Variants in ZNF831 observed in about 807,000 individuals in gnomAD.
The protein encoded by ZNF831 is chromosome 20 open reading frame 174.
A neutral mutation model predicts 95.8 loss-of-function variants in ZNF831; 59 were observed. That is an observed-to-expected ratio of 0.62 (90% CI 0.50 to 0.77). The LOEUF (loss-of-function observed/expected upper bound fraction) is 0.77. Among genes scored for constraint, ZNF831 ranks in the 30% least tolerant of loss-of-function variants. The probability of loss-of-function intolerance (pLI) is 0.00; values close to 1 mark genes in which losing one functional copy is unlikely to be tolerated. For synonymous variants in ZNF831, 961 were observed against 925.5 expected, an observed-to-expected ratio of 1.04 and a Z score of -0.70; for missense variants, 2,205 against 2,164.0, an observed-to-expected ratio of 1.02 and a Z score of -0.38.
chr20:59,226,213 G>A (rs1442156655), intron 4 of ZNF831, among the ~76,000 whole-genome samples: 1 of 152,100 alleles, frequency 6.6e-6, no homozygotes, highest in African/African-American at 2.4e-5. Flanking sequence ...ACTGAGGTGG[G>A]GCATGGCTGC....
At chr20:59,247,361 C>A (rs1174812919) in intron 4 of ZNF831, among the ~76,000 whole-genome samples, 1 of 152,164 alleles carries the variant, frequency 6.6e-6, no homozygotes, top group African/African-American at 2.4e-5. Context: ...CTGAATTTCT[C>A]CCCCGTTGAA....
At position 59,254,922 on chromosome 20, in the gene ZNF831, G is replaced by T; in HGVS notation, c.*179G>T. On this transcript the variant is annotated 3_prime_UTR_variant, in exon 6 of 6. Transcript: ENST00000371030. The surrounding 1 kb of genome is among the most constrained non-coding windows in gnomAD (Gnocchi z 4.5). ...TTCTGACCCCCAACTCAGCCGCAGC[G>T]TTCCCCAGCTCCCCTTGGGAGTGCT... The T allele has an allele frequency of 1.3e-6, 1 of 773,696 alleles. No individual in the cohort carries two copies. The highest frequency in any genetic ancestry group is 2.0e-6 in the Non-Finnish European group (1 of 497,526). The allele number at this position is 773,696 out of a possible 1,614,324, so 47.9% of individuals were successfully genotyped here.
chr20:59,203,545 G>A (rs1386340779), intron 3 of ZNF831, among the ~76,000 whole-genome samples: 1 of 152,296 alleles, frequency 6.6e-6, no homozygotes, highest in East Asian at 1.9e-4. Flanking sequence ...GGCACAGATT[G>A]TCTGTGGCAT....
In ZNF831 at chr20:59,191,643, C is replaced by A. The variant is rs1431716391; in HGVS notation, c.624C>A (p.Gly208=). 6.4e-7 allele frequency: 1 copy of A among 1,565,376 alleles called. No individual in the cohort carries two copies. Among genetic ancestry groups the A allele is most frequent in the Admixed American group, 1.8e-5 (1 of 55,220 alleles). ...NNSRLSSESE[G]AGGGLLEEGD... is the part of the protein sequence containing the mutation. ...CCCGGCTGTCCTCAGAGTCCGAGGG[C>A]GCCGGGGGCGGCCTCCTGGAGGAAG... Residue 208 remains glycine (G), a synonymous_variant, in exon 2 of 6, where the codon GGC becomes GGA. Transcript: ENST00000371030.
At chr20:59,242,861 G>A (rs1272701049) in intron 4 of ZNF831, among the ~76,000 whole-genome samples, 4 of 152,158 alleles carry the variant, frequency 2.6e-5, no homozygotes, top group African/African-American at 9.7e-5. Flanking sequence ...GCATTTTAGC[G>A]ATTCCTCAGG....
chr20:59,127,412 C>T (rs995753982), intron 1 of ZNF831, among the ~76,000 whole-genome samples: 1 of 152,160 alleles, frequency 6.6e-6, no homozygotes, highest in African/African-American at 2.4e-5. Context: ...TTCCTATGGC[C>T]TCCCTCTCAC....
At chr20:59,163,010 C>T (rs1347359882), upstream of ZNF831, among the ~76,000 whole-genome samples, 1 of 135,702 alleles carries the variant, frequency 7.4e-6, no homozygotes, top group Non-Finnish European at 1.6e-5. Flanking sequence ...TAGATGTATT[C>T]CTAGGTGTGT....
intron 2 of ZNF831, among the ~76,000 whole-genome samples, chr20:59,154,849 T>C (rs943326094): frequency 1.4e-4 from 22 of 152,366 alleles, no homozygotes; most frequent in Middle Eastern, 6.8e-3. Flanking sequence ...TCTGTCTTCA[T>C]AGACGGCCTC....
intron 1 of ZNF831, among the ~76,000 whole-genome samples, chr20:59,126,219 C>T (rs1402578441): frequency 6.6e-6 from 1 of 152,104 alleles, no homozygotes; most frequent in African/African-American, 2.4e-5. Flanking sequence ...TTGAACAGCC[C>T]CCTCTCTCTC....
At chr20:59,212,181 G>A (rs1274290491) in intron 4 of ZNF831, among the ~76,000 whole-genome samples, 1 of 152,104 alleles carries the variant, frequency 6.6e-6, no homozygotes, top group Non-Finnish European at 1.5e-5. Context: ...ATGATGGAGA[G>A]AGAGTTTTTT....
chr20:59,168,250 T>C (rs1388137940), intron 1 of ZNF831, among the ~76,000 whole-genome samples: 1 of 152,236 alleles, frequency 6.6e-6, no homozygotes, highest in African/African-American at 2.4e-5. Flanking sequence ...TTATTTAGAC[T>C]TTATTTGAGT....
At chr20:59,161,966 G>A (rs1980898165), upstream of ZNF831, among the ~76,000 whole-genome samples, 1 of 152,144 alleles carries the variant, frequency 6.6e-6, no homozygotes, top group Non-Finnish European at 1.5e-5. Context: ...TCTGACTGCT[G>A]TGAGATGGTA....
intron 4 of ZNF831, among the ~76,000 whole-genome samples, chr20:59,251,144 A>G (rs1987867988): frequency 6.6e-6 from 1 of 152,236 alleles, no homozygotes; most frequent in Non-Finnish European, 1.5e-5. Context: ...GTATATTTCA[A>G]AACAATGCAT....
intron 1 of ZNF831, among the ~76,000 whole-genome samples, chr20:59,168,760 C>T (rs1224335785): frequency 6.6e-6 from 1 of 151,768 alleles, no homozygotes; most frequent in East Asian, 1.9e-4. Flanking sequence ...AAGAGATTTC[C>T]GTCTATTTCT....
chr20:59,255,582 T>C lies in ZNF831; in HGVS notation c.*839T>C, dbSNP rs940832983. 2.0e-5 allele frequency: 3 copies of C among 152,162 alleles called. No individual in the cohort carries two copies. The highest frequency in any genetic ancestry group is 7.2e-5 in the African/African-American group (3 of 41,434). 9.4% of individuals were successfully genotyped at this position (152,162 alleles called of 1,614,324 possible). On this transcript the variant is annotated 3_prime_UTR_variant, in exon 6 of 6. Transcript: ENST00000371030. The stretch of plus-strand genomic sequence containing the variant: ...TGAGTCATTTTTTGAGAGGGAAAAA[T>C]TCACTTATTTTCCTCTGATTCTTCT...
chr20:59,259,054 T>C lies in ZNF831; in HGVS notation c.*4311T>C, dbSNP rs113807417. 5 of 152,238 alleles carry C rather than the reference T, an allele frequency of 3.3e-5. No individual in the cohort carries two copies. The highest frequency in any genetic ancestry group is 9.6e-5 in the African/African-American group (4 of 41,506). The allele number at this position is 152,238 out of a possible 1,614,324, so 9.4% of individuals were successfully genotyped here. A position where few individuals can be genotyped will look rare whatever the true frequency, so the allele number is the denominator to read the frequency against. On this transcript the variant is annotated 3_prime_UTR_variant, in exon 6 of 6. Transcript: ENST00000371030. ...TTGGCTTCTTGGTTGTTTGTTGAAC[T>C]TTCTTTCTTTATATGGTTAAATTAT...
chr20:59,173,442 G>T (rs1021592548), intron 1 of ZNF831, among the ~76,000 whole-genome samples: 3 of 152,264 alleles, frequency 2.0e-5, no homozygotes, highest in African/African-American at 7.2e-5. Context: ...ACCTGAGCTT[G>T]TCATTTTCTC....
intron 1 of ZNF831, among the ~76,000 whole-genome samples, chr20:59,124,663 G>C (rs1238034116): frequency 6.6e-6 from 1 of 152,204 alleles, no homozygotes; most frequent in African/African-American, 2.4e-5. Context: ...TCACGCAAGG[G>C]AACACAGAGC....
chr20:59,219,728 T>G (rs922058347), intron 4 of ZNF831, among the ~76,000 whole-genome samples: 3 of 152,204 alleles, frequency 2.0e-5, no homozygotes, highest in Non-Finnish European at 4.4e-5. Flanking sequence ...TGCCATATAC[T>G]CTAAACTGCT....
Sources: allele counts gnomAD v4.1 joint callset (sites outside exome capture counted in the v4.1 genomes callset), GRCh38; gene constraint gnomAD v4.1.1; non-coding constraint Gnocchi (gnomAD v3.1); transcripts MANE v1.5; gene names NCBI Gene and HGNC (gene_info 2026-07-23, HGNC 2026-07-21).